CADM2: variants seen among roughly 807,000 people sequenced by gnomAD.
CADM2 encodes cell adhesion molecule 2.
Under a neutral mutation model 49.8 loss-of-function variants are expected in CADM2, and 12 were observed. The ratio of observed to expected loss-of-function variants is 0.24; its 90% confidence interval spans 0.15 to 0.39. The LOEUF is 0.39. CADM2 is among the 10% of genes least tolerant of loss of function. The probability of loss-of-function intolerance (pLI) is 1.00; values close to 1 mark genes in which losing one functional copy is unlikely to be tolerated. For missense variants in CADM2, 378 were observed against 492.3 expected (o/e 0.77, Z 2.20); for synonymous variants, 214 against 175.4 (o/e 1.22, Z -1.74).
At chr3:85,489,883 A>G (rs2039600500) in intron 1 of CADM2, among the ~76,000 whole-genome samples, 1 of 151,904 alleles carries the variant, frequency 6.6e-6, no homozygotes, top group East Asian at 1.9e-4. Flanking sequence ...GAAACAAGCA[A>G]TAATGATGAA....
chr3:85,945,063 C>A (rs1473753929), intron 7 of CADM2, among the ~76,000 whole-genome samples: 1 of 151,806 alleles, frequency 6.6e-6, no homozygotes, highest in Admixed American at 6.6e-5. Context: ...TGAGAAGAAT[C>A]AAATAGATGC....
In CADM2 at chr3:85,348,850, T is replaced by C. The variant is rs1220312608; in HGVS notation, c.62-377672T>C. Among the ~76,000 whole-genome samples the C allele has an allele frequency of 2.6e-5, 4 of 152,156 alleles. No homozygotes were observed. In the East Asian group the frequency reaches 5.8e-4, roughly 22 times the overall value. On this transcript the variant is annotated intron_variant, in intron 1 of 9. Transcript: ENST00000383699. ...TAATCCAATTTTAAAATATTGTTTG[T>C]TTTAAAATATAATAATCATATATTC... is the stretch of plus-strand genomic sequence containing the variant.
intron 1 of CADM2, among the ~76,000 whole-genome samples, chr3:85,003,333 A>G (rs1037331192): frequency 6.6e-6 from 1 of 152,146 alleles, no homozygotes; most frequent in Non-Finnish European, 1.5e-5. Flanking sequence ...ATTTTGCTAC[A>G]ATTGTCTATG....
At chr3:85,200,763 T>C (rs2041475815) in intron 1 of CADM2, among the ~76,000 whole-genome samples, 1 of 152,190 alleles carries the variant, frequency 6.6e-6, no homozygotes, top group Non-Finnish European at 1.5e-5. Context: ...ATGGCAAATA[T>C]AAATTTGTTA....
chr3:85,381,445 A>AAT (rs908672848), intron 1 of CADM2, among the ~76,000 whole-genome samples: 60 of 147,774 alleles, frequency 4.1e-4, no homozygotes, highest in Non-Finnish European at 7.9e-4. Context: ...ATATAAAGAA[A>AAT]ATATATATAT....
At chr3:85,113,764 A>C (rs1244013605) in intron 1 of CADM2, among the ~76,000 whole-genome samples, 1 of 148,462 alleles carries the variant, frequency 6.7e-6, no homozygotes, top group Non-Finnish European at 1.5e-5. Context: ...AGTACATACT[A>C]TTGTGGAAAG....
At chr3:85,483,408 A>G (rs941027744) in intron 1 of CADM2, among the ~76,000 whole-genome samples, 1 of 151,286 alleles carries the variant, frequency 6.6e-6, no homozygotes, top group Non-Finnish European at 1.5e-5. Context: ...ATAGATTTAC[A>G]TATGCATGTG....
intron 1 of CADM2, among the ~76,000 whole-genome samples, chr3:85,252,458 T>C (rs1041245928): frequency 6.6e-6 from 1 of 151,944 alleles, no homozygotes; most frequent in African/African-American, 2.4e-5. Flanking sequence ...TAATTGTAAG[T>C]AGAGATTTTA....
intron 8 of CADM2, among the ~76,000 whole-genome samples, chr3:85,965,277 A>G (rs1252805013): frequency 1.4e-5 from 2 of 147,774 alleles, no homozygotes; most frequent in East Asian, 3.9e-4. Flanking sequence ...ATAAATATAA[A>G]TAATCATAAT....
rs956187986 is a variant in CADM2, at chr3:85,273,689, G to C, written c.61+314021G>C. ...GTTTGGGAAAGAAGATTAGAATTTT[G>C]GTTTTAGACATATTAAGTTTGAGAC... On this transcript the variant is annotated intron_variant, in intron 1 of 9. Transcript: ENST00000383699. Among the ~76,000 whole-genome samples, 23 of 151,344 alleles carry C rather than the reference G, an allele frequency of 1.5e-4. No homozygotes were observed. In the Admixed American group the frequency reaches 1.5e-3, roughly 10 times the overall value.
At chr3:85,515,635 T>A (rs192175468) in intron 1 of CADM2, among the ~76,000 whole-genome samples, 3,892 of 129,314 alleles carry the variant, frequency 0.03, 119 homozygotes, top group East Asian at 0.15. Flanking sequence ...ATATATATTT[T>A]TTTTTTTTGT....
intron 1 of CADM2, among the ~76,000 whole-genome samples, chr3:85,401,547 C>A (rs1368561434): frequency 1.3e-5 from 2 of 152,110 alleles, no homozygotes; most frequent in Non-Finnish European, 2.9e-5. Flanking sequence ...AGGAAAGTCG[C>A]ATCTATCCAA....
intron 1 of CADM2, among the ~76,000 whole-genome samples, chr3:85,344,269 T>G (rs2030302723): frequency 6.6e-6 from 1 of 151,438 alleles, no homozygotes; most frequent in African/African-American, 2.4e-5. Context: ...TAGTCCCAGC[T>G]ACTTGGGAGG....
chr3:85,066,516 A>G (rs532161458), intron 1 of CADM2, among the ~76,000 whole-genome samples: 1 of 152,208 alleles, frequency 6.6e-6, no homozygotes, highest in Non-Finnish European at 1.5e-5. Flanking sequence ...CCTTTGCACT[A>G]TAACCACCCA....
At chr3:85,272,091 A>T (rs1454050848) in intron 1 of CADM2, among the ~76,000 whole-genome samples, 4 of 146,792 alleles carry the variant, frequency 2.7e-5, no homozygotes, top group African/African-American at 1.0e-4. Flanking sequence ...TTTATAGATA[A>T]AAAAAAAAGG....
At chr3:85,792,289 A>T (rs2108036134) in intron 2 of CADM2, among the ~76,000 whole-genome samples, 1 of 152,368 alleles carries the variant, frequency 6.6e-6, no homozygotes, top group South Asian at 2.1e-4. Flanking sequence ...ATATGCCAAA[A>T]TGAAGGGTCA....
intron 2 of CADM2, among the ~76,000 whole-genome samples, chr3:85,769,700 A>G (rs2069969986): frequency 7.0e-6 from 1 of 142,622 alleles, no homozygotes; most frequent in Non-Finnish European, 1.5e-5. Context: ...GATTTGTTCT[A>G]TATATTTTGC....
intron 1 of CADM2, among the ~76,000 whole-genome samples, chr3:85,391,481 G>T (rs2107397770): frequency 6.6e-6 from 1 of 152,108 alleles, no homozygotes; most frequent in Non-Finnish European, 1.5e-5. Flanking sequence ...CTGCTATAAA[G>T]GATACACAAG....
chr3:85,707,729 T>A (rs182494511), intron 1 of CADM2, among the ~76,000 whole-genome samples: 353 of 152,300 alleles, frequency 2.3e-3, no homozygotes, highest in African/African-American at 7.6e-3. Context: ...TTTAGCATCT[T>A]TAAAAATATA....
Sources: gnomAD v4.1 joint callset for allele counts (sites outside exome capture counted in the v4.1 genomes callset) on GRCh38, gnomAD v4.1.1 for gene constraint, MANE v1.5 for transcripts, NCBI Gene and HGNC (gene_info 2026-07-23, HGNC 2026-07-21) for gene names.